KSR2: variants seen among roughly 807,000 people sequenced by gnomAD.
KSR2 encodes kinase suppressor of ras 2.
Under a neutral mutation model 107.8 loss-of-function variants are expected in KSR2, and 25 were observed. That is an observed-to-expected ratio of 0.23 (90% confidence interval 0.17 to 0.32). The LOEUF (loss-of-function observed/expected upper bound fraction) is 0.32, where lower values mean the gene tolerates loss of function less well. KSR2 is among the 10% of genes least tolerant of loss of function. The probability of loss-of-function intolerance (pLI) is 1.00; values close to 1 mark genes in which losing one functional copy is unlikely to be tolerated. For synonymous variants in KSR2, 480 were observed against 507.0 expected, an observed-to-expected ratio of 0.95 and a Z score of 0.71; for missense variants, 887 against 1,268.9, an observed-to-expected ratio of 0.70 and a Z score of 4.57.
intron 5 of KSR2, among the ~76,000 whole-genome samples, chr12:117,630,373 G>C (rs1341715877): frequency 6.6e-6 from 1 of 151,408 alleles, no homozygotes; most frequent in Non-Finnish European, 1.5e-5. Flanking sequence ...GTGTGTGTGT[G>C]TGCATGTGTA....
intron 3 of KSR2, among the ~76,000 whole-genome samples, chr12:117,793,046 ACAT>A (rs1369904029): frequency 6.8e-6 from 1 of 147,908 alleles, no homozygotes. Flanking sequence ...ACACACGCTC[ACAT>A]CAACATGCAC....
intron 4 of KSR2, among the ~76,000 whole-genome samples, chr12:117,705,695 G>A (rs1886495403): frequency 6.6e-6 from 1 of 152,220 alleles, no homozygotes; most frequent in Non-Finnish European, 1.5e-5. Flanking sequence ...ATTGGTTCCT[G>A]ATAGATTGGG....
At chr12:117,955,684 A>T (rs570032665) in intron 1 of KSR2, among the ~76,000 whole-genome samples, 85 of 151,832 alleles carry the variant, frequency 5.6e-4, no homozygotes, top group Non-Finnish European at 8.2e-4. Context: ...TGCTTTAATC[A>T]ATGGCTGCCT....
intron 3 of KSR2, among the ~76,000 whole-genome samples, chr12:117,839,758 A>T (rs1023660135): frequency 3.3e-5 from 5 of 152,226 alleles, no homozygotes; most frequent in Admixed American, 3.3e-4. Context: ...TGCAGCCCAG[A>T]AAGTTTTTCC....
chr12:117,864,071 T>A (rs539318169), intron 1 of KSR2, among the ~76,000 whole-genome samples: 1 of 152,240 alleles, frequency 6.6e-6, no homozygotes, highest in African/African-American at 2.4e-5. Context: ...TGGGGGACTG[T>A]TATTTAGCCC....
chr12:117,805,012 G>C (rs892276047), intron 3 of KSR2, among the ~76,000 whole-genome samples: 2 of 152,128 alleles, frequency 1.3e-5, no homozygotes, highest in Non-Finnish European at 2.9e-5. Flanking sequence ...GCTCTAAGTA[G>C]GGTGACCAAC....
chr12:117,475,616 G>T (rs1007645221), intron 17 of KSR2, among the ~76,000 whole-genome samples: 6 of 152,096 alleles, frequency 3.9e-5, no homozygotes, highest in Non-Finnish European at 7.4e-5. Context: ...ATCATACTTT[G>T]CTAAAGTTGG....
rs184248352 is a variant in KSR2 at position 117,798,300 on chromosome 12, C to T, written c.473-36776G>A. On this transcript the variant is annotated intron_variant, in intron 3 of 19. Coordinates refer to ENST00000339824, the MANE Select transcript of KSR2 (RefSeq NM_173598.6). ...GACTGGTTCCTGTTCCAGCTGCAGG[C>T]TAATCAAGTCTTGAGAGGAGGCTCT... Among the ~76,000 whole-genome samples, 739 of 152,246 alleles carry T rather than the reference C, an allele frequency of 4.9e-3. 10 individuals carry two copies. Among genetic ancestry groups the T allele is most frequent in the South Asian group, 0.026 (125 of 4,828 alleles).
chr12:117,502,283 G>A lies in KSR2; in HGVS notation c.2220-16592C>T, dbSNP rs1366450823. Among the ~76,000 whole-genome samples, 3 of 152,172 alleles carry A rather than the reference G, an allele frequency of 2.0e-5. No homozygotes were observed. The East Asian group carries it at 5.8e-4, about 29-fold the overall frequency. On this transcript the variant is annotated intron_variant, in intron 14 of 19. Coordinates refer to ENST00000339824, the MANE Select transcript of KSR2 (RefSeq NM_173598.6). ...CGTGTGTAGGGGTCTTTGCATTTATGTGCCCATCTATGTCTATGTATCTGT... is the reference window on the plus strand; with the variant it reads ...CGTGTGTAGGGGTCTTTGCATTTATATGCCCATCTATGTCTATGTATCTGT...
intron 5 of KSR2, among the ~76,000 whole-genome samples, chr12:117,638,079 A>G (rs528304153): frequency 6.6e-6 from 1 of 152,334 alleles, no homozygotes; most frequent in Admixed American, 6.5e-5. Flanking sequence ...ACAAACCACT[A>G]AGATAAAAAG....
intron 3 of KSR2, among the ~76,000 whole-genome samples, chr12:117,785,380 G>A (rs552850627): frequency 1.6e-3 from 197 of 119,786 alleles, no homozygotes; most frequent in Middle Eastern, 8.5e-3. Flanking sequence ...CTGCCACTGC[G>A]CTACAGCCTG....
intron 17 of KSR2, among the ~76,000 whole-genome samples, chr12:117,472,054 GT>G (rs1255832914): frequency 6.6e-6 from 1 of 152,010 alleles, no homozygotes; most frequent in African/African-American, 2.4e-5. Context: ...AGCGACTTGG[GT>G]TCAAGTCCTG....
At chr12:117,557,383 T>G (rs1189492183) in intron 8 of KSR2, among the ~76,000 whole-genome samples, 2 of 152,084 alleles carry the variant, frequency 1.3e-5, no homozygotes, top group Non-Finnish European at 2.9e-5. Context: ...GGCATCTTAG[T>G]TTATGTCTGA....
intron 4 of KSR2, among the ~76,000 whole-genome samples, chr12:117,705,793 G>A (rs1482758251): frequency 2.0e-5 from 3 of 152,146 alleles, no homozygotes; most frequent in African/African-American, 7.2e-5. Flanking sequence ...CCCTCTTTGG[G>A]AATTCTTGCT....
At chr12:117,930,746 T>C (rs1197691662) in intron 1 of KSR2, among the ~76,000 whole-genome samples, 1 of 152,148 alleles carries the variant, frequency 6.6e-6, no homozygotes, top group Non-Finnish European at 1.5e-5. Context: ...AAACCCCATC[T>C]GTACTAAAAA....
In KSR2 at chr12:117,560,156, G is replaced by C. The variant is rs550717369; in HGVS notation, c.1326-1583C>G. 2.6e-5 allele frequency among the ~76,000 whole-genome samples: 4 copies of C among 152,182 alleles called. No individual in the cohort carries two copies. In the East Asian group the frequency reaches 5.8e-4, roughly 22 times the overall value. ...AGACCAGCAGCATAAGCACCACCTG[G>C]GAACTTTTCTGGGGCCCCCTGGCAG... On this transcript the variant is annotated intron_variant, in intron 7 of 19. Coordinates refer to ENST00000339824, the MANE Select transcript of KSR2 (RefSeq NM_173598.6).
chr12:117,706,571 T>A (rs1886538347), intron 4 of KSR2, among the ~76,000 whole-genome samples: 1 of 151,986 alleles, frequency 6.6e-6, no homozygotes, highest in Non-Finnish European at 1.5e-5. Context: ...AGAAAGCCGA[T>A]CAGTGGTTGC....
At chr12:117,923,358 C>T (rs918843688) in intron 1 of KSR2, among the ~76,000 whole-genome samples, 2 of 152,140 alleles carry the variant, frequency 1.3e-5, no homozygotes, top group Non-Finnish European at 2.9e-5. Context: ...ATTCAATATT[C>T]GTTAACTCAG....
intron 14 of KSR2, among the ~76,000 whole-genome samples, chr12:117,520,862 G>A (rs1256274809): frequency 6.6e-6 from 1 of 152,036 alleles, no homozygotes; most frequent in Non-Finnish European, 1.5e-5. Context: ...ACAATGTCTC[G>A]AGGGCATTTT....
Sources: gnomAD v4.1 joint callset for allele counts (sites outside exome capture counted in the v4.1 genomes callset) on GRCh38, gnomAD v4.1.1 for gene constraint, MANE v1.5 for transcripts, NCBI Gene and HGNC (gene_info 2026-07-23, HGNC 2026-07-21) for gene names.